Variants in RYR3 observed in about 807,000 individuals in gnomAD.
RYR3 encodes ryanodine receptor 3, also known as brain ryanodine receptor-calcium release channel.
A neutral mutation model predicts 584.3 loss-of-function variants in RYR3; 207 were observed. That is an observed-to-expected ratio of 0.35 (90% confidence interval 0.32 to 0.40). RYR3 has a LOEUF of 0.40. RYR3 is among the 10% of genes least tolerant of loss of function. The pLI, the probability that RYR3 is intolerant of heterozygous loss-of-function variation, is 1.00. For synonymous variants in RYR3, 2,416 were observed against 2,248.5 expected (o/e 1.07, Z -2.11); for missense variants, 5,616 against 6,089.2 (o/e 0.92, Z 2.59).
chr15:33,663,556 A>T lies in RYR3; in HGVS notation c.5438A>T (p.Tyr1813Phe). ...TTGCAGATGTGTGAGCTCCTCAGCT[A>T]TCTCTGCGACTGTGAGCTGCAGCAC... ...VKLQMCELLSYLCDCELQHRV... is the reference protein window; with the variant it reads ...VKLQMCELLSFLCDCELQHRV... The change falls in exon 36 of 104, where the codon TAT becomes TTT. Residue 1813 changes from tyrosine (Y) to phenylalanine (F), a missense_variant. By Grantham distance (22) the Tyr-to-Phe change is conservative (BLOSUM62 3). Transcript: ENST00000634891. The T allele has an allele frequency of 1.2e-6, 2 of 1,613,820 alleles. No homozygotes were observed. Among genetic ancestry groups the T allele is most frequent in the Non-Finnish European group, 1.7e-6 (2 of 1,179,842 alleles).
At chr15:33,447,294 A>G (rs1000596137) in intron 1 of RYR3, among the ~76,000 whole-genome samples, 3 of 152,208 alleles carry the variant, frequency 2.0e-5, no homozygotes, top group Non-Finnish European at 1.5e-5. Context: ...CCCTGACTTC[A>G]TTCAGCCAGT....
chr15:33,453,271 G>T (rs1025015330), intron 1 of RYR3, among the ~76,000 whole-genome samples: 1 of 152,244 alleles, frequency 6.6e-6, no homozygotes, highest in Middle Eastern at 3.4e-3. Context: ...CTATTCAGAT[G>T]GCTTTTAGGC....
chr15:33,649,511 T>C (rs1178555449), intron 31 of RYR3, among the ~76,000 whole-genome samples: 1 of 152,192 alleles, frequency 6.6e-6, no homozygotes, highest in Non-Finnish European at 1.5e-5. Flanking sequence ...AGAGTTTTTT[T>C]CCAGGACTTC....
intron 1 of RYR3, among the ~76,000 whole-genome samples, chr15:33,408,728 T>C (rs1362086652): frequency 6.6e-6 from 1 of 152,202 alleles, no homozygotes; most frequent in African/African-American, 2.4e-5. Context: ...TGATTTTGAT[T>C]CAGATACACA....
intron 1 of RYR3, among the ~76,000 whole-genome samples, chr15:33,467,177 T>C (rs1328292278): frequency 6.6e-6 from 1 of 152,228 alleles, no homozygotes; most frequent in Non-Finnish European, 1.5e-5. Context: ...TTTAAAGCAA[T>C]ACATCATTAT....
chr15:33,613,749 G>T (rs1345164600), intron 19 of RYR3, among the ~76,000 whole-genome samples: 1 of 152,020 alleles, frequency 6.6e-6, no homozygotes, highest in Non-Finnish European at 1.5e-5. Flanking sequence ...TTAATACTTT[G>T]GCATATTTTT....
intron 1 of RYR3, among the ~76,000 whole-genome samples, chr15:33,320,487 A>G (rs1968820693): frequency 6.6e-6 from 1 of 152,232 alleles, no homozygotes; most frequent in Non-Finnish European, 1.5e-5. Context: ...AGACATCTTA[A>G]TGTTTGTTGT....
intron 17 of RYR3, among the ~76,000 whole-genome samples, chr15:33,602,733 CTTTTTTTTTTTTTT>C (rs10578832): frequency 1.3e-4 from 10 of 75,200 alleles, no homozygotes; most frequent in South Asian, 5.8e-4. Context: ...TTTTTCTAGT[CTTTTTTTTTTTTTT>C]TTTTTTTTTT....
intron 10 of RYR3, among the ~76,000 whole-genome samples, chr15:33,557,855 A>AT (rs1462798598): frequency 1.3e-5 from 2 of 152,188 alleles, no homozygotes; most frequent in African/African-American, 4.8e-5. Context: ...CATTTCCTTA[A>AT]TAAGCTGTCA....
intron 1 of RYR3, among the ~76,000 whole-genome samples, chr15:33,404,740 G>A (rs1229514109): frequency 6.6e-6 from 1 of 151,998 alleles, no homozygotes. Flanking sequence ...AGTATAAACT[G>A]GACTGAAATG....
chr15:33,501,280 TG>T (rs2051962332), intron 2 of RYR3, among the ~76,000 whole-genome samples: 1 of 151,988 alleles, frequency 6.6e-6, no homozygotes, highest in African/African-American at 2.4e-5. Context: ...AAATGGCTGA[TG>T]GCAGAGACAA....
chr15:33,810,417 G>A (rs373701718), intron 70 of RYR3, 62 bp from the exon 71 acceptor site: 1 of 1,574,454 alleles, frequency 6.4e-7, no homozygotes, highest in East Asian at 2.3e-5. Flanking sequence ...CCTCTGACAG[G>A]AGGCCGTTCC....
chr15:33,539,543 C>A, intron 6 of RYR3, 81 bp downstream of exon 6: 2 of 811,386 alleles, frequency 2.5e-6, no homozygotes, highest in Non-Finnish European at 4.2e-6. Context: ...AACTGAGCCA[C>A]AGCAGGTTGG....
intron 99 of RYR3, chr15:33,858,144 GA>G: frequency 1.8e-6 from 1 of 563,868 alleles, no homozygotes; most frequent in Non-Finnish European, 3.1e-6. Flanking sequence ...AAGCCCCGTG[GA>G]AAGGGAAGCA....
chr15:33,353,080 T>C (rs534895475), intron 1 of RYR3, among the ~76,000 whole-genome samples: 3 of 152,226 alleles, frequency 2.0e-5, no homozygotes, highest in Non-Finnish European at 4.4e-5. Flanking sequence ...AGTTCTAGTG[T>C]TGTTTCATCT....
chr15:33,432,730 T>G (rs954144629), intron 1 of RYR3, among the ~76,000 whole-genome samples: 4 of 148,398 alleles, frequency 2.7e-5, no homozygotes, highest in Non-Finnish European at 5.9e-5. Flanking sequence ...CTATGTTGGC[T>G]AGGCTAGTCT....
chr15:33,771,094 G>A (rs1425789012), intron 62 of RYR3, among the ~76,000 whole-genome samples: 2 of 151,686 alleles, frequency 1.3e-5, no homozygotes, highest in Non-Finnish European at 2.9e-5. Context: ...AAAACGGCTA[G>A]TTGTCTCTTT....
intron 2 of RYR3, among the ~76,000 whole-genome samples, chr15:33,476,319 A>G (rs2049373389): frequency 6.6e-6 from 1 of 152,220 alleles, no homozygotes; most frequent in African/African-American, 2.4e-5. Context: ...GGATGAGGAA[A>G]TGTCTTTCCT....
intron 57 of RYR3, among the ~76,000 whole-genome samples, chr15:33,752,697 C>G (rs2152853843): frequency 6.6e-6 from 1 of 152,316 alleles, no homozygotes; most frequent in Admixed American, 6.5e-5. Context: ...TTGACTTCCT[C>G]TTTTCCTAAT....
Sources: gnomAD v4.1 joint callset for allele counts (sites outside exome capture counted in the v4.1 genomes callset) on GRCh38, gnomAD v4.1.1 for gene constraint, MANE v1.5 for transcripts, NCBI Gene and HGNC (gene_info 2026-07-23, HGNC 2026-07-21) for gene names.